KAZN: variants seen among roughly 807,000 people sequenced by gnomAD.
KAZN encodes kazrin.
Under a neutral mutation model 87.4 loss-of-function variants are expected in KAZN, and 40 were observed. The ratio of observed to expected loss-of-function variants is 0.46; its 90% confidence interval spans 0.36 to 0.60. The LOEUF (loss-of-function observed/expected upper bound fraction) is 0.60, where lower values mean the gene tolerates loss of function less well. KAZN is among the 20% of genes least tolerant of loss of function. KAZN has a pLI of 0.00. For synonymous variants in KAZN, 466 were observed against 458.3 expected (o/e 1.02, Z -0.22); for missense variants, 898 against 1,073.9 (o/e 0.84, Z 2.29).
chr1:14,487,397 A>G (rs1181619096), intron 2 of KAZN, among the ~76,000 whole-genome samples: 1 of 152,242 alleles, frequency 6.6e-6, no homozygotes, highest in Non-Finnish European at 1.5e-5. Flanking sequence ...GTTCAAAGAT[A>G]CATGAGAAAA....
intron 2 of KAZN, among the ~76,000 whole-genome samples, chr1:14,559,687 T>C (rs1364877598): frequency 6.6e-6 from 1 of 152,178 alleles, no homozygotes; most frequent in Non-Finnish European, 1.5e-5. Context: ...TAGACTTCAG[T>C]CCTTCCCTAG....
chr1:14,091,946 A>G (rs1171858706), intron 1 of KAZN, among the ~76,000 whole-genome samples: 1 of 152,184 alleles, frequency 6.6e-6, no homozygotes, highest in Non-Finnish European at 1.5e-5. Context: ...ATGCTTTAAA[A>G]GGGCCATGGA....
chr1:15,101,795 T>TG (rs765769015), intron 11 of KAZN, 21 bp downstream of exon 11: 6 of 1,524,242 alleles, frequency 3.9e-6, no homozygotes, highest in South Asian at 1.2e-5. Context: ...GGGCACAGGG[T>TG]GGGGGCACCT....
At chr1:14,611,522 A>C (rs1453858693) in intron 1 of KAZN, among the ~76,000 whole-genome samples, 1 of 152,084 alleles carries the variant, frequency 6.6e-6, no homozygotes, top group Non-Finnish European at 1.5e-5. Flanking sequence ...CGCTATCTCT[A>C]CAAAAATCTT....
rs531481503 is a variant in KAZN at position 14,904,014 on chromosome 1, A to G, written c.227-56670A>G. Among the ~76,000 whole-genome samples, 11 of 152,292 alleles carry G rather than the reference A, an allele frequency of 7.2e-5. 1 individual carries two copies. In the South Asian group the frequency reaches 2.3e-3, roughly 32 times the overall value. On this transcript the variant is annotated intron_variant, in intron 1 of 14. Coordinates refer to ENST00000376030, the MANE Select transcript of KAZN (RefSeq NM_201628.3). ...CAGTGCCTGGCACCAGCAGGCAGCC[A>G]GTGAATGTGTAGACCAGGGGACGTT...
intron 1 of KAZN, among the ~76,000 whole-genome samples, chr1:13,963,169 AG>A (rs2101029618): frequency 6.6e-6 from 1 of 152,204 alleles, no homozygotes; most frequent in African/African-American, 2.4e-5. Context: ...GTGGGGAAAG[AG>A]GGGCTGGAGA....
At chr1:14,177,236 G>A (rs930313868) in intron 1 of KAZN, among the ~76,000 whole-genome samples, 32 of 152,254 alleles carry the variant, frequency 2.1e-4, no homozygotes, top group Middle Eastern at 3.4e-3. Context: ...CTCTATGTAA[G>A]TTATCAACCC....
chr1:14,503,966 G>A (rs1387734111), intron 2 of KAZN, among the ~76,000 whole-genome samples: 1 of 152,094 alleles, frequency 6.6e-6, no homozygotes, highest in Non-Finnish European at 1.5e-5. Flanking sequence ...AGGCAAGAGA[G>A]GCACGTAGGA....
chr1:14,818,483 C>G (rs969701010), intron 1 of KAZN, among the ~76,000 whole-genome samples: 3 of 152,236 alleles, frequency 2.0e-5, no homozygotes, highest in Non-Finnish European at 4.4e-5. Context: ...GGTCACGAAG[C>G]AGTCAACAGA....
At chr1:14,573,440 A>T (rs189455620) in intron 2 of KAZN, among the ~76,000 whole-genome samples, 16 of 152,228 alleles carry the variant, frequency 1.1e-4, no homozygotes, top group African/African-American at 3.6e-4. Context: ...CAAGGTCAGG[A>T]GTTCGAACCA....
At chr1:14,643,526 C>G (rs1680568656) in intron 1 of KAZN, among the ~76,000 whole-genome samples, 1 of 152,188 alleles carries the variant, frequency 6.6e-6, no homozygotes, top group African/African-American at 2.4e-5. Context: ...GCATAGTATT[C>G]CATGATGTTT....
At chr1:14,528,775 A>G (rs1672051518) in intron 2 of KAZN, among the ~76,000 whole-genome samples, 1 of 147,800 alleles carries the variant, frequency 6.8e-6, no homozygotes, top group Non-Finnish European at 1.5e-5. Flanking sequence ...AAAAAAATAG[A>G]CAGCTCTCCT....
chr1:14,403,121 C>T (rs1366358235), intron 2 of KAZN, among the ~76,000 whole-genome samples: 1 of 152,136 alleles, frequency 6.6e-6, no homozygotes, highest in East Asian at 1.9e-4. Flanking sequence ...CCACCACACC[C>T]AACCTGCATA....
chr1:14,453,840 G>GA (rs1002931493), intron 2 of KAZN, among the ~76,000 whole-genome samples: 15 of 146,606 alleles, frequency 1.0e-4, no homozygotes, highest in Admixed American at 2.7e-4. Flanking sequence ...TGTCTCAAAA[G>GA]AAAAAAAAAA....
intron 3 of KAZN, among the ~76,000 whole-genome samples, chr1:15,039,059 G>A (rs1672644969): frequency 1.3e-5 from 2 of 150,444 alleles, no homozygotes; most frequent in South Asian, 2.2e-4. Context: ...AGACACGAAT[G>A]TGCTATTACC....
chr1:14,698,889 C>T (rs1384842487), intron 1 of KAZN, among the ~76,000 whole-genome samples: 3 of 152,252 alleles, frequency 2.0e-5, no homozygotes, highest in African/African-American at 7.2e-5. Flanking sequence ...ACTAGTTCTC[C>T]TTGGAAAAAG....
intron 2 of KAZN, among the ~76,000 whole-genome samples, chr1:14,977,636 C>T (rs1028017129): frequency 6.6e-5 from 10 of 152,248 alleles, no homozygotes; most frequent in African/African-American, 2.2e-4. Context: ...GAAAGGCACA[C>T]TTTTTTCTTC....
intron 2 of KAZN, among the ~76,000 whole-genome samples, chr1:14,967,954 C>T (rs1023687342): frequency 2.6e-5 from 4 of 152,108 alleles, no homozygotes; most frequent in Non-Finnish European, 2.9e-5. Flanking sequence ...CACCAGGGAC[C>T]GGTTTCATGG....
chr1:14,958,406 A>C (rs1268982033), intron 1 of KAZN, among the ~76,000 whole-genome samples: 1 of 151,760 alleles, frequency 6.6e-6, no homozygotes, highest in Non-Finnish European at 1.5e-5. Context: ...TCCTGTGTAC[A>C]TGGAGCACTT....
Sources: allele counts gnomAD v4.1 joint callset (sites outside exome capture counted in the v4.1 genomes callset), GRCh38; gene constraint gnomAD v4.1.1; transcripts MANE v1.5; gene names NCBI Gene and HGNC (gene_info 2026-07-23, HGNC 2026-07-21).